Variants in EML5 observed in about 807,000 individuals in gnomAD.
EML5 encodes the protein echinoderm microtubule-associated protein-like 5.
A neutral mutation model predicts 250.0 loss-of-function variants in EML5; 120 were observed. That is an observed-to-expected ratio of 0.48 (90% CI 0.41 to 0.56). The LOEUF (loss-of-function observed/expected upper bound fraction) is 0.56. Among genes scored for constraint, EML5 ranks in the 20% least tolerant of loss-of-function variants. EML5 has a pLI of 0.00. For missense variants in EML5, 2,006 were observed against 2,437.6 expected, an observed-to-expected ratio of 0.82 and a Z score of 3.73; for synonymous variants, 771 against 806.5, an observed-to-expected ratio of 0.96 and a Z score of 0.75.
chr14:88,759,098 A>G (rs2094202283), intron 1 of EML5, among the ~76,000 whole-genome samples: 2 of 152,176 alleles, frequency 1.3e-5, no homozygotes, highest in South Asian at 4.1e-4. Context: ...AACTTTGACT[A>G]TACTAAAAAT....
Position 88,759,698 on chromosome 14 carries a change from A to AAAAAAAAAC in EML5, c.198-5028_198-5027insGTTTTTTTT, listed in dbSNP as rs758968634. Among the ~76,000 whole-genome samples, 216 of 142,200 alleles carry AAAAAAAAAC rather than the reference A, an allele frequency of 1.5e-3. 2 individuals are homozygous for AAAAAAAAAC. Among genetic ancestry groups the AAAAAAAAAC allele is most frequent in the African/African-American group, 5.6e-3 (209 of 37,086 alleles). 93.3% of individuals were successfully genotyped at this position (142,200 alleles called of 152,430 possible). A position where few individuals can be genotyped will look rare whatever the true frequency, so the allele number is the denominator to read the frequency against. On this transcript the variant is annotated intron_variant, in intron 1 of 43. Coordinates refer to ENST00000554922, the MANE Select transcript of EML5 (RefSeq NM_183387.3). ...GTCACCATCTCTTAAAAAAAAAAAA[A>AAAAAAAAAC]AAAAAACTGGGGAGAAAAACTATGC...
chr14:88,616,031 TC>T (rs1242740698), intron 43 of EML5, 110 bp downstream of exon 43: 23 of 1,312,734 alleles, frequency 1.8e-5, no homozygotes, highest in Non-Finnish European at 2.2e-5. Flanking sequence ...TATACTACCT[TC>T]TACTAATGTT....
In EML5 at chr14:88,642,949, C is replaced by T; in HGVS notation, c.4181G>A (p.Gly1394Asp). Reference sequence around the variant, plus strand: ...TGCAGTGTGATAAATTATATCATCACCATCATTTAAATAGTGAACATTATT... The same window carrying T: ...TGCAGTGTGATAAATTATATCATCATCATCATTTAAATAGTGAACATTATT... Reference protein sequence around the residue: ...CRNNVHYLNDGDDIIYHTASV... With the variant: ...CRNNVHYLNDDDDIIYHTASV... Residue 1394 changes from glycine to aspartate, a missense_variant, in exon 31 of 44, where the codon GGT (glycine) becomes GAT (aspartate). Coordinates refer to ENST00000554922, the MANE Select transcript of EML5 (RefSeq NM_183387.3). 1.9e-6 allele frequency: 3 copies of T among 1,606,160 alleles called. No homozygotes were observed. Among genetic ancestry groups the T allele is most frequent in the Non-Finnish European group, 2.5e-6 (3 of 1,177,556 alleles).
intron 14 of EML5, 123 bp downstream of exon 14, chr14:88,702,323 A>C: frequency 5.7e-6 from 4 of 696,780 alleles, no homozygotes; most frequent in Non-Finnish European, 8.3e-6. Context: ...CTGAAAATAA[A>C]ACTCATTCTA....
chr14:88,764,071 T>C (rs1420877445), intron 1 of EML5, among the ~76,000 whole-genome samples: 1 of 152,230 alleles, frequency 6.6e-6, no homozygotes, highest in Non-Finnish European at 1.5e-5. Flanking sequence ...ACCAGCCTTG[T>C]ATTCCTGGAA....
intron 31 of EML5, among the ~76,000 whole-genome samples, chr14:88,640,673 C>G (rs1048672846): frequency 1.3e-4 from 20 of 151,892 alleles, no homozygotes; most frequent in African/African-American, 4.8e-4. Context: ...AACAAAGTAA[C>G]CCCAAAGCTA....
At chr14:88,708,822 T>C (rs977258816) in intron 10 of EML5, among the ~76,000 whole-genome samples, 1 of 152,060 alleles carries the variant, frequency 6.6e-6, no homozygotes, top group African/African-American at 2.4e-5. Context: ...ATGAAAACTA[T>C]GATAAAAAAT....
intron 31 of EML5, among the ~76,000 whole-genome samples, chr14:88,642,334 A>T (rs2091107853): frequency 6.6e-6 from 1 of 152,224 alleles, no homozygotes; most frequent in African/African-American, 2.4e-5. Context: ...GCTCTTGAAT[A>T]ATCCAACTGA....
At chr14:88,682,339 G>A (rs1030736111) in intron 20 of EML5, among the ~76,000 whole-genome samples, 1 of 151,634 alleles carries the variant, frequency 6.6e-6, no homozygotes, top group African/African-American at 2.4e-5. Context: ...CACACAGGAG[G>A]TACTTTCCTG....
chr14:88,731,854 G>A (rs2093763743), intron 7 of EML5, among the ~76,000 whole-genome samples: 1 of 152,150 alleles, frequency 6.6e-6, no homozygotes, highest in African/African-American at 2.4e-5. Flanking sequence ...TCTGTTGGCT[G>A]CATAAATGTC....
At chr14:88,724,170 G>T (rs1260594223) in intron 8 of EML5, among the ~76,000 whole-genome samples, 2 of 151,464 alleles carry the variant, frequency 1.3e-5, no homozygotes, top group Admixed American at 1.3e-4. Context: ...AGCTACTCAG[G>T]AGGCTGAGGC....
At chr14:88,662,553 T>TA (rs1462032634) in intron 24 of EML5, among the ~76,000 whole-genome samples, 1 of 128,062 alleles carries the variant, frequency 7.8e-6, no homozygotes, top group East Asian at 2.9e-4. Flanking sequence ...TTTTTTTTTT[T>TA]TTTTTTTAAT....
intron 21 of EML5, among the ~76,000 whole-genome samples, chr14:88,670,504 C>G (rs940132076): frequency 6.6e-6 from 1 of 152,008 alleles, no homozygotes; most frequent in African/African-American, 2.4e-5. Flanking sequence ...GCCAGAGTGC[C>G]TCTTCTCCTC....
chr14:88,721,696 T>A (rs1437205675), intron 8 of EML5, among the ~76,000 whole-genome samples: 2 of 152,084 alleles, frequency 1.3e-5, no homozygotes, highest in Non-Finnish European at 2.9e-5. Context: ...GCCATTCAGG[T>A]CATGGGCATG....
chr14:88,788,584 A>G (rs1361455630), intron 1 of EML5, among the ~76,000 whole-genome samples: 1 of 152,154 alleles, frequency 6.6e-6, no homozygotes, highest in Admixed American at 6.5e-5. Flanking sequence ...TAATACATAA[A>G]CAATGGGCTC....
chr14:88,715,292 G>T (rs1278134345), intron 8 of EML5, 97 bp from the exon 9 acceptor site: 1 of 1,229,320 alleles, frequency 8.1e-7, no homozygotes, highest in Non-Finnish European at 1.1e-6. Context: ...GCTGTATCAA[G>T]TGTTTATAAA....
chr14:88,650,371 T>G (rs779935749), intron 27 of EML5, among the ~76,000 whole-genome samples: 1 of 152,090 alleles, frequency 6.6e-6, no homozygotes, highest in Non-Finnish European at 1.5e-5. Context: ...GGAGAATCAT[T>G]TGAACCCAGG....
chr14:88,697,026 CAA>C lies in EML5; in HGVS notation c.2239-76_2239-75del, dbSNP rs1020688916. 70 of 996,310 alleles carry C rather than the reference CAA, an allele frequency of 7.0e-5. 1 individual carries two copies. The Admixed American group carries it at 1.0e-3, about 15-fold the overall frequency. The allele number at this position is 996,310 out of a possible 1,614,324, so 61.7% of individuals were successfully genotyped here. A position where few individuals can be genotyped will look rare whatever the true frequency, so the allele number is the denominator to read the frequency against. ...CCATATCTACTAAAAGGAAATAAAA[CAA>C]GAGATTTTTACAGCTTGACTTATTT... On this transcript the variant is annotated intron_variant, in intron 14 of 43. Coordinates refer to ENST00000554922, the MANE Select transcript of EML5 (RefSeq NM_183387.3).
intron 8 of EML5, among the ~76,000 whole-genome samples, chr14:88,718,671 G>T (rs2093541632): frequency 6.6e-6 from 1 of 152,156 alleles, no homozygotes. Flanking sequence ...GAGGATAGAG[G>T]TTGATAATTA....
Sources: gnomAD v4.1 joint callset for allele counts (sites outside exome capture counted in the v4.1 genomes callset) on GRCh38, gnomAD v4.1.1 for gene constraint, MANE v1.5 for transcripts, NCBI Gene and HGNC (gene_info 2026-07-23, HGNC 2026-07-21) for gene names.